Variants in COL5A2 observed in about 807,000 individuals in gnomAD.
COL5A2 encodes the protein collagen alpha-2(V) chain.
A neutral mutation model predicts 208.2 loss-of-function variants in COL5A2; 23 were observed. The ratio of observed to expected loss-of-function variants is 0.11; its 90% CI spans 0.08 to 0.16. The LOEUF (loss-of-function observed/expected upper bound fraction) is 0.16, where lower values mean the gene tolerates loss of function less well. Ranked by LOEUF, COL5A2 falls within the 10% of genes least tolerant of loss-of-function variation. COL5A2 has a pLI of 1.00. For synonymous variants in COL5A2, 625 were observed against 628.5 expected (o/e 0.99, Z 0.08); for missense variants, 1,590 against 1,956.4 (o/e 0.81, Z 3.53).
At chr2:189,158,734 A>G (rs1199826322) in intron 1 of COL5A2, among the ~76,000 whole-genome samples, 1 of 151,982 alleles carries the variant, frequency 6.6e-6, no homozygotes, top group African/African-American at 2.4e-5. Context: ...ATATTCTCCT[A>G]TCTGCTTCCT....
chr2:189,120,512 A>G (rs1687478786), intron 1 of COL5A2, among the ~76,000 whole-genome samples: 1 of 152,228 alleles, frequency 6.6e-6, no homozygotes, highest in Admixed American at 6.5e-5. Context: ...TTCAATCATT[A>G]TGGAAATATA....
intron 23 of COL5A2, 43 bp from the exon 24 acceptor site, chr2:189,065,100 T>G: frequency 2.5e-6 from 4 of 1,584,270 alleles, no homozygotes; most frequent in Non-Finnish European, 3.5e-6. Context: ...TGTTGATATT[T>G]TTGCAATATG....
chr2:189,287,927 T>G, the COL5A2 span, among the ~76,000 whole-genome samples: 1 of 152,176 alleles, frequency 6.6e-6, no homozygotes, highest in Non-Finnish European at 1.5e-5. Flanking sequence ...TTTCAAAAAC[T>G]TATGGTTATA....
At chr2:189,425,730 G>A in the COL5A2 span, among the ~76,000 whole-genome samples, 1 of 152,112 alleles carries the variant, frequency 6.6e-6, no homozygotes, top group Non-Finnish European at 1.5e-5. Flanking sequence ...TCTCATGAAT[G>A]GTTTACATCA....
At chr2:189,114,644 A>C (rs1576536480) in intron 1 of COL5A2, among the ~76,000 whole-genome samples, 1 of 151,356 alleles carries the variant, frequency 6.6e-6, no homozygotes, top group East Asian at 1.9e-4. Flanking sequence ...AAAAAAAAAA[A>C]AAAAATGTTT....
intron 17 of COL5A2, among the ~76,000 whole-genome samples, chr2:189,073,580 G>A (rs1686332941): frequency 6.6e-6 from 1 of 151,986 alleles, no homozygotes; most frequent in South Asian, 2.1e-4. Context: ...AGCCAAAGTT[G>A]AGAACCACTA....
intron 43 of COL5A2, 49 bp from the exon 44 acceptor site, chr2:189,049,503 G>T: frequency 6.9e-7 from 1 of 1,442,734 alleles, no homozygotes; most frequent in Non-Finnish European, 9.7e-7. Flanking sequence ...ATTGAAGAAC[G>T]CTAGTTCCCA....
rs965891508 is a variant in COL5A2, at chr2:189,035,018, C to T, written c.4251G>A (p.Lys1417=). The T allele has an allele frequency of 8.1e-6, 13 of 1,613,730 alleles. No homozygotes were observed. The highest frequency in any genetic ancestry group is 3.3e-5 in the Admixed American group (2 of 59,990). Residue 1417 remains lysine (K), a synonymous_variant, in exon 53 of 54, where the codon AAG becomes AAA. Transcript: ENST00000374866. The part of the protein sequence containing the change: ...NSVGYMDDQA[K]NLKKAVVLKG... ...TGAGAACCACAGCTTTTTTGAGGTT[C>T]TTAGCTTGATCGTCCATGTATCCTA...
At chr2:189,054,294 G>T (rs1685854744) in intron 35 of COL5A2, 82 bp from the exon 36 acceptor site, 2 of 944,666 alleles carry the variant, frequency 2.1e-6, no homozygotes, top group Non-Finnish European at 1.7e-6. Flanking sequence ...AAACAAAAAA[G>T]AAACGACTAT....
intron 2 of COL5A2, among the ~76,000 whole-genome samples, chr2:189,107,219 T>C (rs1687168510): frequency 6.6e-6 from 1 of 151,644 alleles, no homozygotes; most frequent in Non-Finnish European, 1.5e-5. Context: ...TTTGGGAATC[T>C]AGCTGCTTTG....
the COL5A2 span, among the ~76,000 whole-genome samples, chr2:189,416,948 T>C: frequency 1.3e-5 from 2 of 152,208 alleles, no homozygotes; most frequent in Non-Finnish European, 2.9e-5. Context: ...TGTCATCTGC[T>C]TAAACATTTT....
chr2:189,352,010 C>T, the COL5A2 span, among the ~76,000 whole-genome samples: 2 of 151,552 alleles, frequency 1.3e-5, no homozygotes, highest in African/African-American at 4.8e-5. Flanking sequence ...CCCCTGTGAT[C>T]TCATTGTTCA....
At chr2:189,131,564 C>T (rs915554298) in intron 1 of COL5A2, among the ~76,000 whole-genome samples, 1 of 152,060 alleles carries the variant, frequency 6.6e-6, no homozygotes, top group African/African-American at 2.4e-5. Context: ...CTTTGAGATG[C>T]CATTGGACAT....
intron 1 of COL5A2, among the ~76,000 whole-genome samples, chr2:189,198,042 G>A (rs968288084): frequency 1.3e-5 from 2 of 151,888 alleles, no homozygotes; most frequent in African/African-American, 4.8e-5. Context: ...GTAGAAACGG[G>A]GTTTCACCAT....
chr2:189,345,613 G>T, the COL5A2 span, among the ~76,000 whole-genome samples: 1 of 152,200 alleles, frequency 6.6e-6, no homozygotes, highest in Admixed American at 6.5e-5. Context: ...CAGGAAGGAA[G>T]GACTGATCAA....
intron 1 of COL5A2, among the ~76,000 whole-genome samples, chr2:189,199,061 T>TTA (rs10699846): frequency 0.15 from 22,569 of 152,124 alleles, 2,842 homozygotes; most frequent in African/African-American, 0.34. Flanking sequence ...TGTATACTAT[T>TTA]ATTTATCCTT....
chr2:189,040,210 A>C (rs564312234), intron 50 of COL5A2, among the ~76,000 whole-genome samples: 1 of 152,276 alleles, frequency 6.6e-6, no homozygotes, highest in East Asian at 1.9e-4. Flanking sequence ...TTGGATTCAA[A>C]CTGCTGGGCT....
At chr2:189,292,647 C>G in the COL5A2 span, among the ~76,000 whole-genome samples, 1 of 152,180 alleles carries the variant, frequency 6.6e-6, no homozygotes, top group Non-Finnish European at 1.5e-5. Flanking sequence ...CACTTTGACA[C>G]TGTTGGTGGG....
the COL5A2 span, among the ~76,000 whole-genome samples, chr2:189,342,422 T>A: frequency 6.7e-6 from 1 of 148,230 alleles, no homozygotes; most frequent in Non-Finnish European, 1.5e-5. Flanking sequence ...TCTGTTCTCC[T>A]TTGGGTTTTA....
Sources: gnomAD v4.1 joint callset for allele counts (sites outside exome capture counted in the v4.1 genomes callset) on GRCh38, gnomAD v4.1.1 for gene constraint, MANE v1.5 for transcripts, NCBI Gene and HGNC (gene_info 2026-07-23, HGNC 2026-07-21) for gene names.